The following SLC38A11 variants were observed in gnomAD, a reference collection of about 807,000 sequenced individuals.
SLC38A11 encodes the protein solute carrier family 38 member 11.
In SLC38A11, 51 loss-of-function variants were observed where a neutral mutation model predicts 49.4. That is an observed-to-expected ratio of 1.03 (90% confidence interval 0.83 to 1.30). The LOEUF (loss-of-function observed/expected upper bound fraction) is 1.30. Ranked by LOEUF, SLC38A11 falls within the 50% of genes most tolerant of loss-of-function variation. SLC38A11 has a pLI of 0.00. For synonymous variants in SLC38A11, 203 were observed against 192.9 expected (o/e 1.05, Z -0.43); for missense variants, 574 against 556.2 (o/e 1.03, Z -0.32).
Position 164,901,298 on chromosome 2 carries a change from G to A in SLC38A11, c.1096-2568C>T, listed in dbSNP as rs149246176. On this transcript the variant is annotated intron_variant, in intron 11 of 11. Transcript: ENST00000685975. ...TTTTTCTATTTCTGTGAAGAATGCC[G>A]TTAGAATTTTGATAGGAATTATGTT... Among the ~76,000 whole-genome samples, 30 of 152,048 alleles carry A rather than the reference G, an allele frequency of 2.0e-4. 1 individual carries two copies. Among genetic ancestry groups the A allele is most frequent in the East Asian group, 1.2e-3 (6 of 5,186 alleles).
intron 10 of SLC38A11, among the ~76,000 whole-genome samples, chr2:164,911,238 T>G: frequency 6.6e-6 from 1 of 152,026 alleles, no homozygotes; most frequent in East Asian, 1.9e-4. Context: ...TGATAAAACA[T>G]CTAAGCAAAA....
At chr2:164,915,819 C>G (rs1685740027) in intron 8 of SLC38A11, 84 bp downstream of exon 8, 2 of 997,444 alleles carry the variant, frequency 2.0e-6, no homozygotes, top group Non-Finnish European at 3.1e-6. Flanking sequence ...CATCTGCTAT[C>G]CAGACATAAA....
At chr2:164,952,582 G>C (rs1688595106) in intron 3 of SLC38A11, 125 bp downstream of exon 3, 1 of 724,092 alleles carries the variant, frequency 1.4e-6, no homozygotes, top group Non-Finnish European at 2.5e-6. Context: ...AATTCTTTAG[G>C]ATTCTTTGAT....
intron 9 of SLC38A11, among the ~76,000 whole-genome samples, chr2:164,913,448 A>G (rs926149471): frequency 1.4e-4 from 22 of 152,108 alleles, no homozygotes; most frequent in Admixed American, 2.6e-4. Flanking sequence ...TTAGAAAAGA[A>G]GAATGCAGTA....
chr2:164,939,413 G>A (rs745846452), intron 6 of SLC38A11, 37 bp downstream of exon 6: 1 of 1,376,062 alleles, frequency 7.3e-7, no homozygotes, highest in East Asian at 2.3e-5. Flanking sequence ...CAGGCAACAA[G>A]GTACATTTCT....
At position 164,895,389 on chromosome 2, in the gene SLC38A11, T is replaced by C. The variant is rs1007156502; in HGVS notation, c.*3048A>G. Reference sequence around the variant, plus strand: ...TGATGGGTGACCTCATGGTCACTCATTGATTCATGCTTGGGCCACCTGACA... The same window carrying C: ...TGATGGGTGACCTCATGGTCACTCACTGATTCATGCTTGGGCCACCTGACA... On this transcript the variant is annotated 3_prime_UTR_variant, in exon 12 of 12. Transcript: ENST00000685975. 3.3e-5 allele frequency among the ~76,000 whole-genome samples: 5 copies of C among 152,198 alleles called. No homozygotes were observed. The highest frequency in any genetic ancestry group is 2.1e-4 in the South Asian group (1 of 4,832).
In SLC38A11 at chr2:164,915,116, G is replaced by C. The variant is rs771756447; in HGVS notation, c.846C>G (p.Thr282=). 1.9e-5 allele frequency: 31 copies of C among 1,604,696 alleles called. No homozygotes were observed. In the South Asian group the frequency reaches 3.5e-4, roughly 18 times the overall value. The change falls in exon 9 of 12, where the codon ACC becomes ACG. Residue 282 remains threonine (T), a synonymous_variant. Coordinates refer to ENST00000685975, the MANE Select transcript of SLC38A11 (RefSeq NM_001351537.2). ...TCGYLTFTGF[T]QGDLFENYCR... is the part of the protein sequence containing the mutation. The stretch of plus-strand genomic sequence containing the variant: ...TAACTGAATCTCTCATTTTACCTTG[G>C]GTGAAGCCAGTAAATGTCAAGTATC...
intron 7 of SLC38A11, among the ~76,000 whole-genome samples, chr2:164,936,029 C>G (rs1365369015): frequency 6.6e-6 from 1 of 152,110 alleles, no homozygotes; most frequent in African/African-American, 2.4e-5. Flanking sequence ...GCCTCCAGAA[C>G]TATGAGAAAA....
chr2:164,949,107 G>A (rs190485900), intron 3 of SLC38A11, among the ~76,000 whole-genome samples: 1 of 151,522 alleles, frequency 6.6e-6, no homozygotes, highest in East Asian at 1.9e-4. Flanking sequence ...CATTGCTATA[G>A]CTGGCATACT....
Position 164,937,427 on chromosome 2 carries a change from G to T in SLC38A11, c.540C>A (p.Val180=). ...TTGTTAAACCTGTAGAGATGAGGGAGACCTGTAAAAGAAAATACAAGGATA... is the reference window on the plus strand; with the variant it reads ...TTGTTAAACCTGTAGAGATGAGGGATACCTGTAAAAGAAAATACAAGGATA... ...LYRNIAKLGK[V]SLISTGLTTL... Residue 180 remains valine (V), a splice_region_variant and synonymous_variant, in exon 7 of 12, where the codon GTC becomes GTA. Coordinates refer to ENST00000685975, the MANE Select transcript of SLC38A11 (RefSeq NM_001351537.2). 1 of 1,599,548 alleles carries T rather than the reference G, an allele frequency of 6.3e-7. No homozygotes were observed. The highest frequency in any genetic ancestry group is 1.1e-5 in the South Asian group (1 of 90,296).
At chr2:164,911,589 G>T in intron 10 of SLC38A11, 47 bp downstream of exon 10, 1 of 898,550 alleles carries the variant, frequency 1.1e-6, no homozygotes. Context: ...AATTAAATGT[G>T]GCAGAGAGAT....
chr2:164,943,227 C>T (rs978454562), intron 5 of SLC38A11, among the ~76,000 whole-genome samples: 1 of 152,110 alleles, frequency 6.6e-6, no homozygotes, highest in Non-Finnish European at 1.5e-5. Context: ...TTATAAAAAC[C>T]ATGACATAGT....
At chr2:164,919,921 C>T (rs1029861579) in intron 7 of SLC38A11, among the ~76,000 whole-genome samples, 2 of 151,978 alleles carry the variant, frequency 1.3e-5, no homozygotes, top group Non-Finnish European at 2.9e-5. Flanking sequence ...GTGTATGTTC[C>T]AAGATATAAC....
intron 9 of SLC38A11, 21 bp downstream of exon 9, chr2:164,915,091 T>C: frequency 6.3e-7 from 1 of 1,594,618 alleles, no homozygotes; most frequent in Middle Eastern, 1.7e-4. Context: ...ATGAACACTA[T>C]AACTGAATCT....
intron 7 of SLC38A11, among the ~76,000 whole-genome samples, chr2:164,923,564 T>C (rs565581848): frequency 6.6e-6 from 1 of 151,562 alleles, no homozygotes; most frequent in South Asian, 2.1e-4. Flanking sequence ...AATTAAAAAG[T>C]AAAAACAAAC....
chr2:164,954,680 A>G lies in SLC38A11; in HGVS notation c.105T>C (p.Ser35=). Residue 35 remains serine (S), a synonymous_variant, in exon 2 of 12, where the codon TCT becomes TCC. Coordinates refer to ENST00000685975, the MANE Select transcript of SLC38A11 (RefSeq NM_001351537.2). The part of the protein sequence containing the change: ...EHEYKEKTCQ[S]AALFNVVNSI... ...AGTTGACAACATTAAAAAGAGCAGC[A>G]GACTGACAGGTTTTCTCTTTATACT... The G allele has an allele frequency of 6.5e-7, 1 of 1,544,696 alleles. No homozygotes were observed. The highest frequency in any genetic ancestry group is 1.2e-5 in the South Asian group (1 of 82,944).
At chr2:164,933,891 C>T (rs1454414) in intron 7 of SLC38A11, among the ~76,000 whole-genome samples, 61,881 of 151,882 alleles carry the variant, frequency 0.41, 13,855 homozygotes, top group South Asian at 0.73. Flanking sequence ...AAAGGTGGCA[C>T]AGTATTAAAA....
At chr2:164,921,623 C>T (rs1006612334) in intron 7 of SLC38A11, among the ~76,000 whole-genome samples, 1 of 151,958 alleles carries the variant, frequency 6.6e-6, no homozygotes, top group Non-Finnish European at 1.5e-5. Context: ...ATCCACCTCA[C>T]CTGGCCTGTG....
chr2:164,912,793 C>T (rs1685491798), intron 9 of SLC38A11, among the ~76,000 whole-genome samples: 1 of 151,942 alleles, frequency 6.6e-6, no homozygotes, highest in Admixed American at 6.6e-5. Context: ...GACTATATTT[C>T]TCAACTGTCT....
Sources: allele counts gnomAD v4.1 joint callset (sites outside exome capture counted in the v4.1 genomes callset), GRCh38; gene constraint gnomAD v4.1.1; transcripts MANE v1.5; gene names NCBI Gene and HGNC (gene_info 2026-07-23, HGNC 2026-07-21).